SLC36A4: variants seen among roughly 807,000 people sequenced by gnomAD.
SLC36A4 encodes the protein solute carrier family 36 member 4.
A neutral mutation model predicts 50.5 loss-of-function variants in SLC36A4; 49 were observed. The observed-to-expected ratio is 0.97, with a 90% CI of 0.77 to 1.23. The LOEUF (loss-of-function observed/expected upper bound fraction) is 1.23, where lower values mean the gene tolerates loss of function less well. SLC36A4 is among the 50% of genes most tolerant of loss of function. SLC36A4 has a pLI of 0.00. For missense variants in SLC36A4, 611 were observed against 608.4 expected (o/e 1.00, Z -0.05); for synonymous variants, 207 against 206.5 (o/e 1.00, Z -0.02).
chr11:93,191,346 A>G (rs1360524662), intron 1 of SLC36A4, among the ~76,000 whole-genome samples: 7 of 152,214 alleles, frequency 4.6e-5, no homozygotes, highest in Non-Finnish European at 2.9e-5. Context: ...GCTTGAATAC[A>G]ATTGCGTGCT....
At chr11:93,180,383 C>T in intron 6 of SLC36A4, 1 of 910,732 alleles carries the variant, frequency 1.1e-6, no homozygotes, top group Non-Finnish European at 1.3e-6. Context: ...TACACAATGG[C>T]TATAATTACC....
At chr11:93,192,559 G>A (rs1862258552) in intron 1 of SLC36A4, among the ~76,000 whole-genome samples, 1 of 151,796 alleles carries the variant, frequency 6.6e-6, no homozygotes, top group Non-Finnish European at 1.5e-5. Context: ...TTTTTACAAA[G>A]AAAAAAGGAA....
chr11:93,185,893 T>C, intron 1 of SLC36A4, 79 bp from the exon 2 acceptor site: 2 of 1,288,238 alleles, frequency 1.6e-6, no homozygotes, highest in Non-Finnish European at 2.1e-6. Context: ...TTTCAAAATA[T>C]TAGGAAACAC....
intron 9 of SLC36A4, among the ~76,000 whole-genome samples, chr11:93,156,373 T>C (rs1860361334): frequency 6.6e-6 from 1 of 152,096 alleles, no homozygotes; most frequent in Non-Finnish European, 1.5e-5. Flanking sequence ...GTTGGCGGCA[T>C]GTATGTCTTC....
Position 93,147,414 on chromosome 11 carries a change from A to G in SLC36A4, c.*1123T>C, listed in dbSNP as rs1859879396. On this transcript the variant is annotated 3_prime_UTR_variant, in exon 11 of 11. Coordinates refer to ENST00000326402, the MANE Select transcript of SLC36A4 (RefSeq NM_152313.4). Reference sequence around the variant, plus strand: ...TGCCATTCAGGAATGTGGTGCCTACAAAACTCAGGAAAGGAAGGTAATAAT... The same window carrying G: ...TGCCATTCAGGAATGTGGTGCCTACGAAACTCAGGAAAGGAAGGTAATAAT... 6.6e-6 allele frequency: 1 copy of G among 152,132 alleles called. No individual in the cohort carries two copies. The highest frequency in any genetic ancestry group is 2.1e-4 in the South Asian group (1 of 4,834). The allele number at this position is 152,132 out of a possible 1,614,324, so 9.4% of individuals were successfully genotyped here. A position where few individuals can be genotyped will look rare whatever the true frequency, so the allele number is the denominator to read the frequency against.
intron 6 of SLC36A4, 121 bp downstream of exon 6, chr11:93,180,676 G>C (rs1861694742): frequency 1.3e-6 from 1 of 741,864 alleles, no homozygotes; most frequent in South Asian, 1.7e-5. Context: ...ATTTATAAAG[G>C]AAGATCATTT....
At chr11:93,169,659 G>A (rs1325941711) in intron 6 of SLC36A4, among the ~76,000 whole-genome samples, 2 of 151,980 alleles carry the variant, frequency 1.3e-5, no homozygotes, top group African/African-American at 4.8e-5. Flanking sequence ...AACTCATACT[G>A]GACTAACAGA....
In SLC36A4 at chr11:93,144,856, TAA is replaced by T; in HGVS notation, c.*3679_*3680del. The stretch of plus-strand genomic sequence containing the variant: ...AGCCAAAAAGATCAGACTCATTTTT[TAA>T]AAAGTCATTATTGTATATTATCGAT... On this transcript the variant is annotated 3_prime_UTR_variant, in exon 11 of 11. Transcript: ENST00000326402. 6.6e-6 allele frequency: 1 copy of T among 152,218 alleles called. No individual in the cohort carries two copies. Among genetic ancestry groups the T allele is most frequent in the East Asian group, 1.9e-4 (1 of 5,164 alleles). 9.4% of individuals were successfully genotyped at this position (152,218 alleles called of 1,614,324 possible).
chr11:93,157,829 T>A (rs1860435377), intron 9 of SLC36A4, among the ~76,000 whole-genome samples: 1 of 152,190 alleles, frequency 6.6e-6, no homozygotes, highest in African/African-American at 2.4e-5. Context: ...AGTTTGCAGA[T>A]CTTGCAGTTC....
At chr11:93,155,828 T>C (rs989025471) in intron 9 of SLC36A4, among the ~76,000 whole-genome samples, 1 of 152,162 alleles carries the variant, frequency 6.6e-6, no homozygotes, top group Non-Finnish European at 1.5e-5. Flanking sequence ...TATGTGGTAT[T>C]TGGTTTTCTG....
chr11:93,175,518 T>C (rs1198821353), intron 6 of SLC36A4, among the ~76,000 whole-genome samples: 2 of 149,546 alleles, frequency 1.3e-5, no homozygotes, highest in African/African-American at 2.4e-5. Context: ...CTTGCTTTTC[T>C]AGTTCTTTTA....
chr11:93,177,820 A>T (rs907351692), intron 6 of SLC36A4, among the ~76,000 whole-genome samples: 1 of 152,206 alleles, frequency 6.6e-6, no homozygotes, highest in African/African-American at 2.4e-5. Context: ...CTCCGGGGTC[A>T]GGGACCCACA....
Position 93,175,007 on chromosome 11 carries a change from C to G in SLC36A4, c.540+5790G>C, listed in dbSNP as rs368717998. Reference sequence around the variant, plus strand: ...CCCTCTTTTTCTATTGATTGGAATACTTTCAGAAGGAATGGTACCAGTTCC... The same window carrying G: ...CCCTCTTTTTCTATTGATTGGAATAGTTTCAGAAGGAATGGTACCAGTTCC... On this transcript the variant is annotated intron_variant, in intron 6 of 10. Transcript: ENST00000326402. Among the ~76,000 whole-genome samples, 973 of 151,220 alleles carry G rather than the reference C, an allele frequency of 6.4e-3. 41 individuals are homozygous for G. The highest frequency in any genetic ancestry group is 0.056 in the Admixed American group (832 of 14,958).
rs186008133 is a variant in SLC36A4, at chr11:93,167,734, A to T, written c.768+210T>A. 7.2e-5 allele frequency among the ~76,000 whole-genome samples: 11 copies of T among 152,224 alleles called. No homozygotes were observed. In the East Asian group the frequency reaches 1.9e-3, roughly 27 times the overall value. On this transcript the variant is annotated intron_variant, in intron 7 of 10. Coordinates refer to ENST00000326402, the MANE Select transcript of SLC36A4 (RefSeq NM_152313.4). The stretch of plus-strand genomic sequence containing the variant: ...GAGGCGTTATTTACCAAGATTCAAG[A>T]TCTGACCACAAAGCCTGTTTAATCT...
At chr11:93,171,350 C>T (rs1393208005) in intron 6 of SLC36A4, 3 of 152,012 alleles carry the variant, frequency 2.0e-5, no homozygotes, top group African/African-American at 7.2e-5. Flanking sequence ...CTTATCTACT[C>T]TTTATGTCAT....
chr11:93,178,181 C>T (rs756419480), intron 6 of SLC36A4, among the ~76,000 whole-genome samples: 4 of 152,136 alleles, frequency 2.6e-5, no homozygotes, highest in African/African-American at 4.8e-5. Flanking sequence ...GCTTTGTTGG[C>T]GTGGGACCCT....
At chr11:93,197,690 G>A in intron 1 of SLC36A4, 88 bp downstream of exon 1, 2 of 1,411,608 alleles carry the variant, frequency 1.4e-6, no homozygotes, top group Non-Finnish European at 1.9e-6. Context: ...GGCCAAGCGC[G>A]GGGCCCCTGG....
At chr11:93,197,429 C>G in intron 1 of SLC36A4, 1 of 398,526 alleles carries the variant, frequency 2.5e-6, no homozygotes, top group Non-Finnish European at 4.5e-6. Context: ...ACAATGATAA[C>G]TTCCTTAAAG....
rs766857516 is a variant in SLC36A4 at position 93,147,673 on chromosome 11, C to G, written c.*864G>C. ...GTATTAAAATATAATCAAATAGATT[C>G]AACACTAAAATTAAGCTGAACATAA... On this transcript the variant is annotated 3_prime_UTR_variant, in exon 11 of 11. Coordinates refer to ENST00000326402, the MANE Select transcript of SLC36A4 (RefSeq NM_152313.4). The G allele has an allele frequency of 6.6e-6, 1 of 151,990 alleles. No homozygotes were observed. The highest frequency in any genetic ancestry group is 1.5e-5 in the Non-Finnish European group (1 of 67,974). The allele number at this position is 151,990 out of a possible 1,614,324, so 9.4% of individuals were successfully genotyped here.
Sources: allele counts gnomAD v4.1 joint callset (sites outside exome capture counted in the v4.1 genomes callset), GRCh38; gene constraint gnomAD v4.1.1; transcripts MANE v1.5; gene names NCBI Gene and HGNC (gene_info 2026-07-23, HGNC 2026-07-21).